The following SYT16 variants were observed in gnomAD, a reference collection of about 807,000 sequenced individuals.
The protein encoded by SYT16 is synaptotagmin 16, also known as synaptotagmin-16.
Under a neutral mutation model 61.4 loss-of-function variants are expected in SYT16, and 42 were observed. That is an observed-to-expected ratio of 0.68 (90% CI 0.53 to 0.89). The LOEUF is 0.89. SYT16 is among the 40% of genes least tolerant of loss of function. The pLI is 0.00. For missense variants in SYT16, 804 were observed against 807.3 expected (o/e 1.00, Z 0.05); for synonymous variants, 314 against 302.3 (o/e 1.04, Z -0.40).
intron 1 of SYT16, among the ~76,000 whole-genome samples, chr14:61,869,541 A>G (rs902870637): frequency 2.0e-5 from 3 of 152,054 alleles, no homozygotes; most frequent in East Asian, 1.9e-4. Context: ...GTATAGTTCT[A>G]TTTCTCTTGG....
At chr14:62,042,261 C>G (rs750892146) in intron 3 of SYT16, among the ~76,000 whole-genome samples, 4 of 152,014 alleles carry the variant, frequency 2.6e-5, no homozygotes, top group African/African-American at 4.8e-5. Flanking sequence ...TGTCGGCCTC[C>G]CAAAGTGCTA....
rs754346792 is a variant in SYT16, at chr14:62,084,186, T to A, written c.1435-10T>A. 1.9e-6 allele frequency: 3 copies of A among 1,610,620 alleles called. No individual in the cohort carries two copies. Among genetic ancestry groups the A allele is most frequent in the Non-Finnish European group, 1.7e-6 (2 of 1,178,864 alleles). ...GGGCCAATGGATTCTTTGTTGTTCT[T>A]CCCCTCCAGAGTGGAGGGTCTCCGC... On this transcript the variant is annotated splice_polypyrimidine_tract_variant and intron_variant, in intron 6 of 7. Coordinates refer to ENST00000683842, the MANE Select transcript of SYT16 (RefSeq NM_001367656.1).
intron 3 of SYT16, among the ~76,000 whole-genome samples, chr14:62,064,661 C>T (rs572735205): frequency 6.6e-6 from 1 of 152,288 alleles, no homozygotes; most frequent in South Asian, 2.1e-4. Context: ...ATAACATGGA[C>T]TTCGGAGCAA....
intron 1 of SYT16, among the ~76,000 whole-genome samples, chr14:61,939,799 C>T (rs529732248): frequency 1.6e-4 from 24 of 152,260 alleles, no homozygotes; most frequent in Admixed American, 5.9e-4. Context: ...AATGGAAGGA[C>T]AGAGGCCAAG....
chr14:61,872,723 C>T (rs1026566457), intron 1 of SYT16, among the ~76,000 whole-genome samples: 21 of 152,202 alleles, frequency 1.4e-4, no homozygotes, highest in Non-Finnish European at 2.8e-4. Context: ...ATTCTTTCTA[C>T]TCTGTTTTGT....
rs1436331015 is a variant in SYT16, at chr14:62,105,823, C to G, written c.*5116C>G. The G allele has an allele frequency of 1.3e-5, 2 of 152,110 alleles. No homozygotes were observed. The highest frequency in any genetic ancestry group is 4.8e-5 in the African/African-American group (2 of 41,416). The allele number at this position is 152,110 out of a possible 1,614,324, so 9.4% of individuals were successfully genotyped here. A position where few individuals can be genotyped will look rare whatever the true frequency, so the allele number is the denominator to read the frequency against. On this transcript the variant is annotated 3_prime_UTR_variant, in exon 8 of 8. Coordinates refer to ENST00000683842, the MANE Select transcript of SYT16 (RefSeq NM_001367656.1). ...AAACATGATTCTGGGATGAGAAGTG[C>G]GAGGCTACACTCCTAATATAATCAA... is the stretch of plus-strand genomic sequence containing the variant.
chr14:61,886,076 T>G (rs1191800173), intron 1 of SYT16, among the ~76,000 whole-genome samples: 1 of 151,860 alleles, frequency 6.6e-6, no homozygotes, highest in African/African-American at 2.4e-5. Flanking sequence ...GCCATTCTCC[T>G]GCCTCAGCCT....
intron 7 of SYT16, among the ~76,000 whole-genome samples, chr14:62,085,465 AAAG>A (rs1365086991): frequency 1.3e-5 from 2 of 152,190 alleles, no homozygotes; most frequent in African/African-American, 4.8e-5. Context: ...ACTGTTATTG[AAAG>A]AAGGATGAAA....
At chr14:61,981,775 C>T (rs994757417) in intron 2 of SYT16, among the ~76,000 whole-genome samples, 1 of 152,074 alleles carries the variant, frequency 6.6e-6, no homozygotes, top group African/African-American at 2.4e-5. Context: ...ATTTGACAGA[C>T]CTGTGCACGT....
chr14:61,967,869 T>C (rs2051380146), intron 1 of SYT16, among the ~76,000 whole-genome samples: 4 of 152,178 alleles, frequency 2.6e-5, no homozygotes, highest in Admixed American at 2.6e-4. Context: ...ATGATTGTTC[T>C]GGCTATTGTG....
intron 3 of SYT16, among the ~76,000 whole-genome samples, chr14:62,019,109 G>A (rs1432869832): frequency 1.3e-5 from 2 of 152,218 alleles, no homozygotes; most frequent in African/African-American, 4.8e-5. Flanking sequence ...CTATTGACAT[G>A]TAAGGAAAAG....
At chr14:61,920,063 G>A (rs2049272132) in intron 1 of SYT16, among the ~76,000 whole-genome samples, 2 of 152,186 alleles carry the variant, frequency 1.3e-5, no homozygotes, top group South Asian at 4.2e-4. Flanking sequence ...CAGGCCCCCC[G>A]ACATACACAC....
chr14:61,869,734 T>G (rs977142949), intron 1 of SYT16, among the ~76,000 whole-genome samples: 1 of 151,056 alleles, frequency 6.6e-6, no homozygotes, highest in Non-Finnish European at 1.5e-5. Flanking sequence ...TGAATGAGAT[T>G]AGGGTCCTTA....
intron 1 of SYT16, among the ~76,000 whole-genome samples, chr14:61,934,738 T>G (rs2049909246): frequency 6.6e-6 from 1 of 152,194 alleles, no homozygotes; most frequent in African/African-American, 2.4e-5. Flanking sequence ...TTTCCTTACC[T>G]GCAAAGTGAT....
intron 2 of SYT16, among the ~76,000 whole-genome samples, chr14:61,978,253 A>C (rs1186099505): frequency 6.6e-6 from 1 of 152,214 alleles, no homozygotes; most frequent in Admixed American, 6.5e-5. Flanking sequence ...TGGAAGCCCA[A>C]CTTGGCAGTG....
At chr14:61,824,543 G>A (rs1260622774) in intron 1 of SYT16, among the ~76,000 whole-genome samples, 13 of 152,044 alleles carry the variant, frequency 8.6e-5, no homozygotes, top group African/African-American at 2.2e-4. Flanking sequence ...TAGTAGAGAC[G>A]GGGTTTCACT....
chr14:61,845,779 T>A lies in SYT16; in HGVS notation c.-325+32969T>A, dbSNP rs545661243. On this transcript the variant is annotated intron_variant, in intron 1 of 7. Coordinates refer to ENST00000683842, the MANE Select transcript of SYT16 (RefSeq NM_001367656.1). Reference sequence around the variant, plus strand: ...CATTATTAGGTTGTTTATTTGAAATTTTTCTTGTTTTTTGATGTAGGCACT... The same window carrying A: ...CATTATTAGGTTGTTTATTTGAAATATTTCTTGTTTTTTGATGTAGGCACT... 1.2e-4 allele frequency among the ~76,000 whole-genome samples: 18 copies of A among 152,312 alleles called. No individual in the cohort carries two copies. The East Asian group carries it at 2.1e-3, about 18-fold the overall frequency.
In SYT16 at chr14:62,109,940, T is replaced by C. The variant is rs555904956; in HGVS notation, c.*9233T>C. On this transcript the variant is annotated 3_prime_UTR_variant, in exon 8 of 8. Transcript: ENST00000683842. ...TCACACAGCAGCTCTGAATTCTGAA[T>C]GAAAAGATAACCCATGCTAATGTAT... 6.6e-6 allele frequency: 1 copy of C among 152,226 alleles called. No homozygotes were observed. The highest frequency in any genetic ancestry group is 2.1e-4 in the South Asian group (1 of 4,828). 9.4% of individuals were successfully genotyped at this position (152,226 alleles called of 1,614,324 possible). A position where few individuals can be genotyped will look rare whatever the true frequency, so the allele number is the denominator to read the frequency against.
intron 1 of SYT16, among the ~76,000 whole-genome samples, chr14:61,888,695 G>A (rs764542154): frequency 1.3e-5 from 2 of 151,234 alleles, no homozygotes; most frequent in African/African-American, 4.9e-5. Flanking sequence ...GAGACACAAA[G>A]TGAGGCATGT....
Sources: gnomAD v4.1 joint callset for allele counts (sites outside exome capture counted in the v4.1 genomes callset) on GRCh38, gnomAD v4.1.1 for gene constraint, MANE v1.5 for transcripts, NCBI Gene and HGNC (gene_info 2026-07-23, HGNC 2026-07-21) for gene names.